Variants in OPCML observed in about 807,000 individuals in gnomAD.
OPCML encodes the protein opioid binding protein/cell adhesion molecule like.
OPCML carries 13 observed loss-of-function variants against 37.8 expected under a neutral mutation model. The observed-to-expected ratio is 0.34, with a 90% CI of 0.22 to 0.55. OPCML has a LOEUF of 0.55. Ranked by LOEUF, OPCML falls within the 20% of genes least tolerant of loss-of-function variation. The probability of loss-of-function intolerance (pLI) is 0.91; values close to 1 mark genes in which losing one functional copy is unlikely to be tolerated. For synonymous variants in OPCML, 176 were observed against 168.8 expected, an observed-to-expected ratio of 1.04 and a Z score of -0.33; for missense variants, 341 against 435.6, an observed-to-expected ratio of 0.78 and a Z score of 1.93.
intron 1 of OPCML, among the ~76,000 whole-genome samples, chr11:133,489,023 C>A (rs904539898): frequency 1.3e-5 from 2 of 150,704 alleles, no homozygotes; most frequent in African/African-American, 4.9e-5. Flanking sequence ...AAATTGGATA[C>A]CCATATGCAG....
In OPCML at chr11:133,479,749, C is replaced by T. The variant is rs138529271; in HGVS notation, c.61+52515G>A. ...CCATATGCTGGGAACCAGCTCCACACCACAGAGGACCACACACACCCACCG... is the reference window on the plus strand; with the variant it reads ...CCATATGCTGGGAACCAGCTCCACATCACAGAGGACCACACACACCCACCG... On this transcript the variant is annotated intron_variant, in intron 1 of 7. Transcript: ENST00000524381. 4.0e-3 allele frequency among the ~76,000 whole-genome samples: 611 copies of T among 152,336 alleles called. 4 individuals carry two copies. The highest frequency in any genetic ancestry group is 0.014 in the African/African-American group (587 of 41,592).
chr11:133,026,015 A>G (rs1947548579), intron 1 of OPCML: 2 of 976,786 alleles, frequency 2.0e-6, no homozygotes, highest in Admixed American at 6.2e-5. Context: ...GATTACAGAC[A>G]TGAGCCACCA....
At chr11:133,026,292 T>G (rs985729159) in intron 1 of OPCML, 51 of 832,702 alleles carry the variant, frequency 6.1e-5, no homozygotes, top group Non-Finnish European at 7.2e-5. Context: ...CAAAATGGAT[T>G]TGGGGTTTGG....
intron 4 of OPCML, among the ~76,000 whole-genome samples, chr11:132,452,811 T>A (rs12419742): frequency 6.6e-6 from 1 of 152,126 alleles, no homozygotes; most frequent in Non-Finnish European, 1.5e-5. Flanking sequence ...ATGACTCAGA[T>A]TGAATTTCTC....
At chr11:132,837,423 C>T (rs896517766) in intron 2 of OPCML, among the ~76,000 whole-genome samples, 1 of 152,086 alleles carries the variant, frequency 6.6e-6, no homozygotes, top group East Asian at 1.9e-4. Flanking sequence ...ATCCATGGAC[C>T]CATTGTGTCA....
chr11:132,823,194 C>G (rs1940093978), intron 2 of OPCML, among the ~76,000 whole-genome samples: 1 of 152,184 alleles, frequency 6.6e-6, no homozygotes, highest in Non-Finnish European at 1.5e-5. Flanking sequence ...TCCCCTGTCC[C>G]TGTTCCATTT....
intron 2 of OPCML, among the ~76,000 whole-genome samples, chr11:132,729,470 G>A (rs1371020060): frequency 6.6e-6 from 1 of 152,182 alleles, no homozygotes; most frequent in Non-Finnish European, 1.5e-5. Flanking sequence ...TCACACCTGT[G>A]TCAGGAACAG....
At chr11:132,683,848 C>G (rs935761213) in intron 2 of OPCML, among the ~76,000 whole-genome samples, 8 of 152,022 alleles carry the variant, frequency 5.3e-5, no homozygotes, top group Non-Finnish European at 2.9e-5. Flanking sequence ...GTGAGTTTTG[C>G]CCTCTGTGAA....
intron 1 of OPCML, among the ~76,000 whole-genome samples, chr11:133,427,933 A>C (rs2136909754): frequency 6.6e-6 from 1 of 152,320 alleles, no homozygotes; most frequent in East Asian, 1.9e-4. Context: ...CCTGCCTTCT[A>C]TCCTGGAACA....
intron 2 of OPCML, among the ~76,000 whole-genome samples, chr11:132,666,967 A>G (rs1942253849): frequency 6.6e-6 from 1 of 152,248 alleles, no homozygotes; most frequent in South Asian, 2.1e-4. Context: ...TTGCATCCCT[A>G]TAGATGTGAG....
intron 4 of OPCML, among the ~76,000 whole-genome samples, chr11:132,442,995 T>A (rs1018860750): frequency 1.3e-5 from 2 of 152,132 alleles, no homozygotes; most frequent in Admixed American, 1.3e-4. Context: ...AAAAACTTGG[T>A]GTTGAGGCAA....
At chr11:133,461,563 A>G (rs886111294) in intron 1 of OPCML, among the ~76,000 whole-genome samples, 1 of 151,974 alleles carries the variant, frequency 6.6e-6, no homozygotes, top group East Asian at 1.9e-4. Flanking sequence ...CAGTAAAACC[A>G]AGAGTAAAAT....
chr11:132,916,753 G>A (rs1435480737), intron 2 of OPCML, among the ~76,000 whole-genome samples: 4 of 152,072 alleles, frequency 2.6e-5, no homozygotes, highest in Non-Finnish European at 4.4e-5. Flanking sequence ...AGGGGTGTTC[G>A]AGTGAGCAAA....
intron 3 of OPCML, among the ~76,000 whole-genome samples, chr11:132,540,245 TTCTATTGTTTTCTATGTC>T (rs1402476420): frequency 1.3e-5 from 2 of 152,104 alleles, no homozygotes; most frequent in Admixed American, 6.6e-5. Flanking sequence ...TTTCACACTG[TTCTATTGTTTTCTATGTC>T]TCTCTCACTC....
intron 4 of OPCML, among the ~76,000 whole-genome samples, chr11:132,468,099 C>G (rs995321512): frequency 6.6e-6 from 1 of 152,154 alleles, no homozygotes; most frequent in South Asian, 2.1e-4. Flanking sequence ...GGCTTCCAAC[C>G]CAGCCTCCCT....
At chr11:133,472,282 T>C (rs982670259) in intron 1 of OPCML, among the ~76,000 whole-genome samples, 2 of 152,106 alleles carry the variant, frequency 1.3e-5, no homozygotes, top group Non-Finnish European at 2.9e-5. Context: ...TCAATAGAAA[T>C]GCATTTCTCT....
chr11:132,717,244 G>A (rs1465718325), intron 2 of OPCML, among the ~76,000 whole-genome samples: 2 of 151,976 alleles, frequency 1.3e-5, no homozygotes, highest in Non-Finnish European at 2.9e-5. Context: ...AATAATCTGA[G>A]GTGGGAATAT....
chr11:133,054,979 A>G (rs979450100), intron 1 of OPCML, among the ~76,000 whole-genome samples: 3 of 143,910 alleles, frequency 2.1e-5, no homozygotes, highest in African/African-American at 5.2e-5. Context: ...GAGCACCTCT[A>G]TCGTACAATG....
chr11:133,154,815 T>A (rs1950033869), intron 1 of OPCML, among the ~76,000 whole-genome samples: 1 of 152,136 alleles, frequency 6.6e-6, no homozygotes, highest in African/African-American at 2.4e-5. Context: ...AGGAGGATAG[T>A]AAAATGCTGA....
Sources: gnomAD v4.1 joint callset for allele counts (sites outside exome capture counted in the v4.1 genomes callset) on GRCh38, gnomAD v4.1.1 for gene constraint, MANE v1.5 for transcripts, NCBI Gene and HGNC (gene_info 2026-07-23, HGNC 2026-07-21) for gene names.